Variants in KCNN2 observed in about 807,000 individuals in gnomAD.
KCNN2 encodes potassium calcium-activated channel subfamily N member 2.
A neutral mutation model predicts 55.5 loss-of-function variants in KCNN2; 24 were observed. The observed-to-expected ratio is 0.43, with a 90% CI of 0.31 to 0.61. The LOEUF (loss-of-function observed/expected upper bound fraction) is 0.61. Among genes scored for constraint, KCNN2 ranks in the 20% least tolerant of loss-of-function variants. The pLI, the probability that KCNN2 is intolerant of heterozygous loss-of-function variation, is 0.08. For missense variants in KCNN2, 754 were observed against 853.6 expected (o/e 0.88, Z 1.45); for synonymous variants, 431 against 336.1 (o/e 1.28, Z -3.09).
chr5:114,158,083 C>T (rs1324615862), intron 1 of KCNN2, among the ~76,000 whole-genome samples: 3 of 152,178 alleles, frequency 2.0e-5, no homozygotes, highest in Non-Finnish European at 2.9e-5. Flanking sequence ...TTGCCCATGC[C>T]TATGGCCTGA....
rs529306594 is a variant in KCNN2, at chr5:114,475,765, A to G, written c.1890+2601A>G. 3.4e-4 allele frequency among the ~76,000 whole-genome samples: 52 copies of G among 152,160 alleles called. No homozygotes were observed. In the South Asian group the frequency reaches 8.5e-3, roughly 25 times the overall value. ...CGGTCAGAGGCCCCTTTAGAGAACT[A>G]TGGATCCAGGATCTAGATCTATGGA... On this transcript the variant is annotated intron_variant, in intron 5 of 7. Transcript: ENST00000673685.
chr5:114,324,987 T>C (rs761372144), intron 2 of KCNN2, among the ~76,000 whole-genome samples: 36 of 152,286 alleles, frequency 2.4e-4, no homozygotes, highest in Non-Finnish European at 2.4e-4. Context: ...AAAAGCACTG[T>C]TGGTGATAGC....
chr5:114,162,579 G>T (rs1477290620), intron 1 of KCNN2, among the ~76,000 whole-genome samples: 2 of 152,180 alleles, frequency 1.3e-5, no homozygotes, highest in African/African-American at 2.4e-5. Context: ...CCTTTTGTTT[G>T]TCTGTGCCCT....
At chr5:114,291,337 C>G (rs573674104) in intron 2 of KCNN2, among the ~76,000 whole-genome samples, 6 of 152,036 alleles carry the variant, frequency 3.9e-5, no homozygotes, top group Admixed American at 3.3e-4. Context: ...TATCCCTCCC[C>G]CCTCTCCTCA....
intron 1 of KCNN2, among the ~76,000 whole-genome samples, chr5:114,133,686 A>G (rs1752114134): frequency 1.3e-5 from 2 of 152,228 alleles, no homozygotes; most frequent in African/African-American, 4.8e-5. Context: ...GTTAGCTAAA[A>G]GCAATTCAGG....
rs138270203 is a variant in KCNN2 at position 114,459,962 on chromosome 5, A to G, written c.1638-3087A>G. Among the ~76,000 whole-genome samples the G allele has an allele frequency of 1.8e-3, 279 of 152,310 alleles. 2 individuals are homozygous for G. Among genetic ancestry groups the G allele is most frequent in the African/African-American group, 6.5e-3 (270 of 41,556 alleles). ...AGCATTTGTTAAAGGTAAGCGTCTA[A>G]TGAGTTAGCTTGCCTAAATGTTCCA... On this transcript the variant is annotated intron_variant, in intron 3 of 7. Coordinates refer to ENST00000673685, the MANE Select transcript of KCNN2 (RefSeq NM_021614.4).
intron 1 of KCNN2, among the ~76,000 whole-genome samples, chr5:114,156,989 G>T (rs528931144): frequency 1.3e-3 from 190 of 150,750 alleles, no homozygotes; most frequent in African/African-American, 4.6e-3. Context: ...TGCACTTTGG[G>T]ATTTCTTTTT....
chr5:114,248,737 A>T (rs1561540016), intron 2 of KCNN2, among the ~76,000 whole-genome samples: 1 of 152,230 alleles, frequency 6.6e-6, no homozygotes, highest in South Asian at 2.1e-4. Flanking sequence ...CACAATGTAC[A>T]TTATTTAAAG....
intron 1 of KCNN2, among the ~76,000 whole-genome samples, chr5:114,184,530 TTTATAA>T (rs1420308628): frequency 2.6e-5 from 4 of 152,220 alleles, no homozygotes; most frequent in Non-Finnish European, 5.9e-5. Flanking sequence ...TGAGTTATAC[TTTATAA>T]TTATAGGATG....
intron 1 of KCNN2, among the ~76,000 whole-genome samples, chr5:114,121,798 A>G (rs1413548550): frequency 6.6e-6 from 1 of 152,188 alleles, no homozygotes; most frequent in Admixed American, 6.5e-5. Context: ...TAAGCGAGAG[A>G]CATTTCTTGC....
upstream of KCNN2, chr5:114,361,288 G>T (rs1034138036): frequency 3.3e-5 from 5 of 152,296 alleles, no homozygotes; most frequent in Non-Finnish European, 7.3e-5. Flanking sequence ...GTGCCGAGGC[G>T]GTTAACCCTA....
intron 1 of KCNN2, among the ~76,000 whole-genome samples, chr5:114,204,080 A>C (rs2112575173): frequency 6.6e-6 from 1 of 152,262 alleles, no homozygotes; most frequent in African/African-American, 2.4e-5. Context: ...AGACTTCAGG[A>C]AGTTCACCTT....
At chr5:114,453,581 A>T (rs890258258) in intron 3 of KCNN2, among the ~76,000 whole-genome samples, 2 of 152,186 alleles carry the variant, frequency 1.3e-5, no homozygotes, top group African/African-American at 4.8e-5. Context: ...ATAGAAGAAC[A>T]CTATTTCTTT....
chr5:114,328,822 T>A (rs536672972), intron 2 of KCNN2, among the ~76,000 whole-genome samples: 1 of 152,336 alleles, frequency 6.6e-6, no homozygotes, highest in Admixed American at 6.5e-5. Context: ...CACTTTCAGA[T>A]CCTTCTGATC....
chr5:114,483,332 C>A (rs1762313869), intron 5 of KCNN2, among the ~76,000 whole-genome samples: 1 of 147,430 alleles, frequency 6.8e-6, no homozygotes, highest in Non-Finnish European at 1.5e-5. Flanking sequence ...TGGAGCACAG[C>A]AGCGTGATCT....
chr5:114,459,070 CTAAG>C (rs1312659275), intron 3 of KCNN2, among the ~76,000 whole-genome samples: 1 of 152,122 alleles, frequency 6.6e-6, no homozygotes, highest in Non-Finnish European at 1.5e-5. Context: ...TATTTGTAAT[CTAAG>C]AAAGAGTGTG....
At chr5:114,379,964 T>C (rs114649351) in intron 2 of KCNN2, among the ~76,000 whole-genome samples, 1,548 of 150,446 alleles carry the variant, frequency 0.01, 11 homozygotes, top group Non-Finnish European at 0.016. Context: ...TATATAAGTA[T>C]AGAAAATTAA....
intron 3 of KCNN2, among the ~76,000 whole-genome samples, chr5:114,460,807 T>C (rs1761156364): frequency 2.6e-5 from 4 of 152,216 alleles, no homozygotes; most frequent in Admixed American, 2.6e-4. Flanking sequence ...GGTATGTACA[T>C]ACATATGCAT....
intron 2 of KCNN2, among the ~76,000 whole-genome samples, chr5:114,226,305 G>A (rs1477025291): frequency 1.3e-5 from 2 of 151,930 alleles, no homozygotes; most frequent in African/African-American, 4.8e-5. Context: ...CAAATTCTCT[G>A]CAGTACAGTA....
Sources: allele counts gnomAD v4.1 joint callset (sites outside exome capture counted in the v4.1 genomes callset), GRCh38; gene constraint gnomAD v4.1.1; transcripts MANE v1.5; gene names NCBI Gene and HGNC (gene_info 2026-07-23, HGNC 2026-07-21).